LMBRD1: variants seen among roughly 807,000 people sequenced by gnomAD.
The protein encoded by LMBRD1 is lysosomal cobalamin transport escort protein LMBD1.
A neutral mutation model predicts 74.8 loss-of-function variants in LMBRD1; 64 were observed. The observed-to-expected ratio is 0.86, with a 90% CI of 0.70 to 1.05. LMBRD1 has a LOEUF of 1.05. Among genes scored for constraint, LMBRD1 ranks in the 50% least tolerant of loss-of-function variants. The probability of loss-of-function intolerance (pLI) is 0.00; values close to 1 mark genes in which losing one functional copy is unlikely to be tolerated. For missense variants in LMBRD1, 652 were observed against 645.9 expected, an observed-to-expected ratio of 1.01 and a Z score of -0.10; for synonymous variants, 204 against 216.3, an observed-to-expected ratio of 0.94 and a Z score of 0.50.
chr6:69,714,833 C>T (rs574063638), intron 8 of LMBRD1, among the ~76,000 whole-genome samples: 1 of 152,242 alleles, frequency 6.6e-6, no homozygotes, highest in African/African-American at 2.4e-5. Context: ...CAATCATCCT[C>T]TCCCACGACT....
intron 7 of LMBRD1, among the ~76,000 whole-genome samples, chr6:69,737,656 T>A (rs907418586): frequency 6.6e-6 from 1 of 150,744 alleles, no homozygotes; most frequent in Non-Finnish European, 1.5e-5. Context: ...ATATCAGGTA[T>A]TATAAATCTA....
Position 69,676,163 on chromosome 6 carries a change from C to A in LMBRD1, c.1618G>T (p.Ala540Ser), listed in dbSNP as rs1406527783. The A allele has an allele frequency of 1.2e-6, 2 of 1,609,136 alleles. No individual in the cohort carries two copies. Among genetic ancestry groups the A allele is most frequent in the East Asian group, 4.5e-5 (2 of 44,732 alleles). Residue 540 changes from alanine (A) to serine (S), a missense_variant, in exon 16 of 16, where the codon GCT becomes TCT. Physicochemically the swap from Ala to Ser is moderately conservative, Grantham distance 99. Around this residue, in one of 3 missense-constraint regions of LMBRD1, gnomAD observed 51 missense variants for 46.9 expected, o/e 1.09. Coordinates refer to ENST00000649934, the MANE Select transcript of LMBRD1 (RefSeq NM_018368.4). ...ISDDEPSVYS[A>S] is the part of the protein sequence containing the mutation. ...ACCTTTAAGACAGAAGGCTGTCAAGCAGAATAGACAGAGGGCTCATCATCA... is the reference window on the plus strand; with the variant it reads ...ACCTTTAAGACAGAAGGCTGTCAAGAAGAATAGACAGAGGGCTCATCATCA...
chr6:69,783,273 T>G (rs1379874173), intron 2 of LMBRD1, among the ~76,000 whole-genome samples: 1 of 152,202 alleles, frequency 6.6e-6, no homozygotes, highest in Non-Finnish European at 1.5e-5. Context: ...GATTCAAGTA[T>G]CCAAATGAAT....
chr6:69,789,893 C>T (rs1200516819), intron 2 of LMBRD1, among the ~76,000 whole-genome samples: 1 of 152,200 alleles, frequency 6.6e-6, no homozygotes, highest in Non-Finnish European at 1.5e-5. Flanking sequence ...GAACTCAGAT[C>T]TTATAATTCC....
At chr6:69,697,115 T>C (rs953369033) in intron 14 of LMBRD1, among the ~76,000 whole-genome samples, 3 of 151,912 alleles carry the variant, frequency 2.0e-5, no homozygotes, top group Non-Finnish European at 4.4e-5. Context: ...CACAATGCCT[T>C]GAAAACAACT....
intron 7 of LMBRD1, among the ~76,000 whole-genome samples, chr6:69,731,474 G>A (rs2149864683): frequency 6.6e-6 from 1 of 152,016 alleles, no homozygotes; most frequent in African/African-American, 2.4e-5. Context: ...CAATACAGTT[G>A]GTTCCCATGT....
Position 69,796,957 on chromosome 6 carries a change from T to C in LMBRD1, c.-76A>G, listed in dbSNP as rs1766250623. The C allele has an allele frequency of 2.4e-6, 3 of 1,271,402 alleles. No homozygotes were observed. The highest frequency in any genetic ancestry group is 3.4e-6 in the Non-Finnish European group (3 of 886,440). The allele number at this position is 1,271,402 out of a possible 1,614,324, so 78.8% of individuals were successfully genotyped here. ...GGGGGAAAGGGGAGAGAGCGCGAGA[T>C]ATACTGCACCCGCGCACCCTAAAGG... On this transcript the variant is annotated 5_prime_UTR_variant, in exon 1 of 16. It adds an upstream start codon to the 5' untranslated region. Coordinates refer to ENST00000649934, the MANE Select transcript of LMBRD1 (RefSeq NM_018368.4).
chr6:69,779,118 G>T (rs976790069), intron 3 of LMBRD1, among the ~76,000 whole-genome samples: 5 of 150,584 alleles, frequency 3.3e-5, no homozygotes, highest in Non-Finnish European at 5.9e-5. Context: ...CCCATGAGGC[G>T]GAGGCTGCAG....
chr6:69,684,097 A>G (rs1765715843), intron 14 of LMBRD1, among the ~76,000 whole-genome samples: 1 of 152,110 alleles, frequency 6.6e-6, no homozygotes, highest in African/African-American at 2.4e-5. Context: ...AACCAAAATT[A>G]TAATTTTACT....
At chr6:69,723,749 G>A (rs568389854) in intron 7 of LMBRD1, among the ~76,000 whole-genome samples, 40 of 151,658 alleles carry the variant, frequency 2.6e-4, no homozygotes, top group African/African-American at 4.8e-4. Flanking sequence ...CTGTAATGAC[G>A]CATTTTAAAG....
intron 4 of LMBRD1, among the ~76,000 whole-genome samples, chr6:69,750,466 T>TA (rs1395151236): frequency 6.6e-6 from 1 of 152,010 alleles, no homozygotes; most frequent in Non-Finnish European, 1.5e-5. Flanking sequence ...TGAATACGAA[T>TA]AAAAAAGTTA....
chr6:69,696,134 A>G (rs983317286), intron 14 of LMBRD1, among the ~76,000 whole-genome samples: 5 of 152,156 alleles, frequency 3.3e-5, no homozygotes, highest in Admixed American at 1.3e-4. Flanking sequence ...TGGTAACACC[A>G]AAATTAATCA....
At chr6:69,782,008 A>G (rs528663819) in intron 2 of LMBRD1, among the ~76,000 whole-genome samples, 253 of 152,366 alleles carry the variant, frequency 1.7e-3, no homozygotes, top group African/African-American at 5.9e-3. Flanking sequence ...GTGAAAATCC[A>G]CTATTATATA....
chr6:69,711,190 T>C (rs1408555238), intron 9 of LMBRD1, among the ~76,000 whole-genome samples: 1 of 152,088 alleles, frequency 6.6e-6, no homozygotes, highest in Admixed American at 6.6e-5. Context: ...TCTCAAAAAC[T>C]GTGCCATGCC....
intron 7 of LMBRD1, among the ~76,000 whole-genome samples, chr6:69,722,873 C>T (rs188749266): frequency 1.1e-3 from 163 of 152,204 alleles, no homozygotes; most frequent in African/African-American, 3.7e-3. Flanking sequence ...ACTAAACTCT[C>T]CAATCAAAAG....
intron 8 of LMBRD1, among the ~76,000 whole-genome samples, chr6:69,715,687 TAC>T (rs143472030): frequency 6.6e-6 from 1 of 151,394 alleles, no homozygotes; most frequent in African/African-American, 2.4e-5. Flanking sequence ...ATTTTCTATT[TAC>T]ACACACACAC....
At chr6:69,713,097 G>C (rs1005997158) in intron 9 of LMBRD1, among the ~76,000 whole-genome samples, 5 of 152,018 alleles carry the variant, frequency 3.3e-5, no homozygotes, top group African/African-American at 4.8e-5. Flanking sequence ...TACACCAATA[G>C]AAAAGAATAG....
intron 14 of LMBRD1, among the ~76,000 whole-genome samples, chr6:69,694,142 T>C (rs1765946035): frequency 6.6e-6 from 1 of 152,120 alleles, no homozygotes; most frequent in Non-Finnish European, 1.5e-5. Flanking sequence ...GATTAAGTCT[T>C]ATTGACCTAC....
At chr6:69,728,805 A>C (rs924954727) in intron 7 of LMBRD1, among the ~76,000 whole-genome samples, 5 of 152,170 alleles carry the variant, frequency 3.3e-5, no homozygotes, top group Admixed American at 6.6e-5. Flanking sequence ...GGACTAATAA[A>C]TGTATTTTTC....
Sources: allele counts gnomAD v4.1 joint callset (sites outside exome capture counted in the v4.1 genomes callset), GRCh38; gene constraint gnomAD v4.1.1; regional missense constraint gnomAD v4.1.1; transcripts MANE v1.5; gene names NCBI Gene and HGNC (gene_info 2026-07-23, HGNC 2026-07-21).